The following CD22 variants were observed in gnomAD, a reference collection of about 807,000 sequenced individuals.
CD22 encodes the protein B-cell receptor CD22.
CD22 carries 51 observed loss-of-function variants against 94.7 expected under a neutral mutation model. The ratio of observed to expected loss-of-function variants is 0.54; its 90% confidence interval spans 0.43 to 0.68. The LOEUF (loss-of-function observed/expected upper bound fraction) is 0.68. Among genes scored for constraint, CD22 ranks in the 30% least tolerant of loss-of-function variants. The pLI, the probability that CD22 is intolerant of heterozygous loss-of-function variation, is 0.00. For synonymous variants in CD22, 424 were observed against 422.5 expected, an observed-to-expected ratio of 1.00 and a Z score of -0.04; for missense variants, 931 against 1,060.4, an observed-to-expected ratio of 0.88 and a Z score of 1.69.
intron 9 of CD22, among the ~76,000 whole-genome samples, chr19:35,343,606 G>A (rs546665946): frequency 7.0e-4 from 107 of 152,276 alleles, no homozygotes; most frequent in African/African-American, 2.4e-3. Context: ...TGGAGGCTGG[G>A]CATGGTGGTT....
chr19:35,346,650 C>T lies in CD22; in HGVS notation c.2497C>T (p.Arg833Trp), dbSNP rs376683548. 20 of 1,607,906 alleles carry T rather than the reference C, an allele frequency of 1.2e-5. No homozygotes were observed. Among genetic ancestry groups the T allele is most frequent in the South Asian group, 1.1e-5 (1 of 89,870 alleles). Reference protein sequence around the residue: ...SELIQFGVGERPQAQENVDYV... With the variant: ...SELIQFGVGEWPQAQENVDYV... ...GCTGATCCAGTTTGGGGTCGGGGAG[C>T]GGCCTCAGGCACAAGAAAATGTGGA... is the stretch of plus-strand genomic sequence containing the variant. The change falls in exon 14 of 14, where the codon CGG becomes TGG. Residue 833 changes from arginine (R) to tryptophan (W), a missense_variant. Transcript: ENST00000085219.
chr19:35,341,107 G>C lies in CD22; in HGVS notation c.1476G>C (p.Ser492=). The C allele has an allele frequency of 6.2e-7, 1 of 1,614,144 alleles. No individual in the cohort carries two copies. The highest frequency in any genetic ancestry group is 8.5e-7 in the Non-Finnish European group (1 of 1,180,024). ...GCGCAGCTTGTAATAGTTGGTGCTC[G>C]TGGGCCTCCCCTGTCGCCCTGAATG... ...IACAACNSWC[S]WASPVALNVQ... Residue 492 remains serine, a synonymous_variant, in exon 7 of 14, where the codon TCG becomes TCC. Transcript: ENST00000085219. This position sits in a 1 kb window ranked among gnomAD's most constrained non-coding sequence, Gnocchi z 4.0.
chr19:35,331,251 T>A (rs1405994812), intron 1 of CD22, among the ~76,000 whole-genome samples: 2 of 152,266 alleles, frequency 1.3e-5, no homozygotes, highest in East Asian at 3.9e-4. Flanking sequence ...GGTTTTAGAA[T>A]TCCTTTTTAC....
In CD22 at chr19:35,332,689, C is replaced by T. The variant is rs767151311; in HGVS notation, c.177C>T (p.Phe59=). 2 of 1,614,090 alleles carry T rather than the reference C, an allele frequency of 1.2e-6. No homozygotes were observed. The highest frequency in any genetic ancestry group is 2.2e-5 in the East Asian group (1 of 44,882). The stretch of plus-strand genomic sequence containing the variant: ...GTGACCTGGAAAGCTTCATCCTGTT[C>T]CACAATCCTGAGTATAACAAGAACA... The part of the protein sequence containing the change: ...LDGDLESFIL[F]HNPEYNKNTS... Residue 59 remains phenylalanine, a synonymous_variant, in exon 3 of 14, where the codon TTC becomes TTT. Coordinates refer to ENST00000085219, the MANE Select transcript of CD22 (RefSeq NM_001771.4).
At chr19:35,331,909 C>T (rs1022595430) in intron 1 of CD22, 110 bp from the exon 2 acceptor site, 21 of 1,581,308 alleles carry the variant, frequency 1.3e-5, no homozygotes, top group East Asian at 4.5e-5. Flanking sequence ...CAACCAGACC[C>T]GGTCCTCCCG....
At chr19:35,336,494 C>G (rs1276234268) in intron 4 of CD22, 153 bp downstream of exon 4, 4 of 659,592 alleles carry the variant, frequency 6.1e-6, no homozygotes, top group Non-Finnish European at 1.0e-5. Flanking sequence ...CCTGGTGTTT[C>G]GGGAAAAAGA....
At chr19:35,331,981 C>G in intron 1 of CD22, 38 bp from the exon 2 acceptor site, 1 of 1,613,096 alleles carries the variant, frequency 6.2e-7, no homozygotes, top group South Asian at 1.1e-5. Context: ...AAGAAGTAAG[C>G]GGCCAGATGG....
At position 35,338,271 on chromosome 19, in the gene CD22, T is replaced by C; in HGVS notation, c.1089T>C (p.Asn363=). The C allele has an allele frequency of 1.2e-6, 2 of 1,614,078 alleles. No homozygotes were observed. Among genetic ancestry groups the C allele is most frequent in the Non-Finnish European group, 8.5e-7 (1 of 1,180,030 alleles). The stretch of plus-strand genomic sequence containing the variant: ...CACTGGCCAATCCTCTTCCAACAAA[T>C]TACACGTGGTACCACAATGGGAAAG... ...CMSLANPLPT[N]YTWYHNGKEM... Residue 363 remains asparagine, a synonymous_variant, in exon 6 of 14, where the codon AAT becomes AAC. Coordinates refer to ENST00000085219, the MANE Select transcript of CD22 (RefSeq NM_001771.4).
Position 35,333,455 on chromosome 19 carries a change from G to A in CD22, c.412+531G>A, listed in dbSNP as rs1352439947. Among the ~76,000 whole-genome samples, 7 of 152,298 alleles carry A rather than the reference G, an allele frequency of 4.6e-5. No homozygotes were observed. In the East Asian group the frequency reaches 1.4e-3, roughly 29 times the overall value. On this transcript the variant is annotated intron_variant, in intron 3 of 13. Coordinates refer to ENST00000085219, the MANE Select transcript of CD22 (RefSeq NM_001771.4). Reference sequence around the variant, plus strand: ...GAGGCCCCAGACCTGTGTTTGATGGGTCAAATCCACCCCTACATGTGCAGT... The same window carrying A: ...GAGGCCCCAGACCTGTGTTTGATGGATCAAATCCACCCCTACATGTGCAGT...
chr19:35,342,085 T>TTCTTCCCCTCCTCCTCC (rs1324411459), intron 9 of CD22, 120 bp downstream of exon 9: 1 of 906,050 alleles, frequency 1.1e-6, no homozygotes, highest in Non-Finnish European at 1.6e-6. Context: ...CCTCCTCCTC[T>TTCTTCCCCTCCTCCTCC]TCTTCCCCTC....
chr19:35,340,740 G>A, intron 6 of CD22, 141 bp from the exon 7 acceptor site: 2 of 879,482 alleles, frequency 2.3e-6, no homozygotes, highest in South Asian at 3.3e-5. Flanking sequence ...ACAGATGCAG[G>A]AAGGACGCAC....
At chr19:35,342,713 T>C (rs1298661408) in intron 9 of CD22, among the ~76,000 whole-genome samples, 1 of 152,172 alleles carries the variant, frequency 6.6e-6, no homozygotes, top group Non-Finnish European at 1.5e-5. Flanking sequence ...TGCTCCACCT[T>C]CCAGAAGTCC....
chr19:35,345,122 A>G lies in CD22; in HGVS notation c.2204A>G (p.Lys735Arg). The G allele has an allele frequency of 6.2e-7, 1 of 1,614,060 alleles. No individual in the cohort carries two copies. The highest frequency in any genetic ancestry group is 1.7e-5 in the Admixed American group (1 of 60,020). The change falls in exon 11 of 14, where the codon AAA becomes AGA. Residue 735 changes from lysine to arginine, a missense_variant. Transcript: ENST00000085219. Reference sequence around the variant, plus strand: ...GGCCAGAGCTTCTTTGTGAGGAATAAAAAGGTAGGATGGGGCTGGGCACGA... The same window carrying G: ...GGCCAGAGCTTCTTTGTGAGGAATAGAAAGGTAGGATGGGGCTGGGCACGA... ...SSGQSFFVRN[K>R]KVRRAPLSEG...
chr19:35,332,080 G>A lies in CD22; in HGVS notation c.34+6G>A. On this transcript the variant is annotated splice_donor_region_variant and intron_variant, in intron 2 of 13. Coordinates refer to ENST00000085219, the MANE Select transcript of CD22 (RefSeq NM_001771.4). The stretch of plus-strand genomic sequence containing the variant: ...CCCCTGGCTCCTGCTCCTGGGTAAG[G>A]ACTGTGGCCTGGGCTAGTACTGGGG... The A allele has an allele frequency of 6.2e-7, 1 of 1,614,000 alleles. No homozygotes were observed.
At chr19:35,336,767 A>C in intron 4 of CD22, 1 of 184,862 alleles carries the variant, frequency 5.4e-6, no homozygotes, top group Non-Finnish European at 1.1e-5. Flanking sequence ...CGCTGCAGTG[A>C]AAGAGACAGA....
rs948821707 is a variant in CD22 at position 35,333,044 on chromosome 19, G to A, written c.412+120G>A. The stretch of plus-strand genomic sequence containing the variant: ...TTCCTGCAGAGCTCAGGCAGGGGAC[G>A]CCAGCGGATGACGATGGCGATGCAG... On this transcript the variant is annotated intron_variant, in intron 3 of 13. Coordinates refer to ENST00000085219, the MANE Select transcript of CD22 (RefSeq NM_001771.4). The A allele has an allele frequency of 7.6e-6, 8 of 1,052,784 alleles. No individual in the cohort carries two copies. The African/African-American group carries it at 8.0e-5, about 10-fold the overall frequency. 65.2% of individuals were successfully genotyped at this position (1,052,784 alleles called of 1,614,324 possible).
chr19:35,337,988 G>C lies in CD22; in HGVS notation c.952G>C (p.Gly318Arg), dbSNP rs201120264. Residue 318 changes from glycine to arginine, a missense_variant, in exon 5 of 14, where the codon GGA becomes CGA. By Grantham distance (125) the Gly-to-Arg change is moderately radical. Transcript: ENST00000085219. This position sits in a 1 kb window ranked among gnomAD's most constrained non-coding sequence, Gnocchi z 4.4. ...CCQVSNDVGP[G>R]RSEEVFLQVQ... ...TCAGGTCTCCAATGACGTGGGCCCG[G>C]GAAGGTCGGAAGAAGTGTTCCTGCA... 128 of 1,613,330 alleles carry C rather than the reference G, an allele frequency of 7.9e-5. 3 individuals are homozygous for C. The highest frequency in any genetic ancestry group is 3.8e-5 in the Non-Finnish European group (45 of 1,179,570).
intron 6 of CD22, among the ~76,000 whole-genome samples, chr19:35,338,778 C>T (rs557685351): frequency 1.3e-5 from 2 of 152,090 alleles, no homozygotes; most frequent in Admixed American, 6.5e-5. Context: ...GACAGGCGCC[C>T]GCCACCACGC....
chr19:35,336,095 A>G lies in CD22; in HGVS notation c.472A>G (p.Thr158Ala). Residue 158 changes from threonine to alanine, a missense_variant, in exon 4 of 14, where the codon ACT (threonine) becomes GCT (alanine). Transcript: ENST00000085219. ...PPEIQESQEV[T>A]LTCLLNFSCY... ...AGAAATTCAAGAGTCCCAGGAAGTC[A>G]CTCTGACCTGCTTGCTGAATTTCTC... 1 of 1,613,942 alleles carries G rather than the reference A, an allele frequency of 6.2e-7. No homozygotes were observed. Among genetic ancestry groups the G allele is most frequent in the Non-Finnish European group, 8.5e-7 (1 of 1,179,960 alleles).
Sources: allele counts gnomAD v4.1 joint callset (sites outside exome capture counted in the v4.1 genomes callset), GRCh38; gene constraint gnomAD v4.1.1; non-coding constraint Gnocchi (gnomAD v3.1); transcripts MANE v1.5; gene names NCBI Gene and HGNC (gene_info 2026-07-23, HGNC 2026-07-21).